Variants in LEKR1 observed in about 807,000 individuals in gnomAD.
LEKR1 encodes leucine, glutamate and lysine rich 1, also known as protein LEKR1.
A neutral mutation model predicts 72.4 loss-of-function variants in LEKR1; 59 were observed. The observed-to-expected ratio is 0.82, with a 90% CI of 0.66 to 1.01. LEKR1 has a LOEUF of 1.01. Among genes scored for constraint, LEKR1 ranks in the 50% least tolerant of loss-of-function variants. The probability of loss-of-function intolerance (pLI) is 0.00; values close to 1 mark genes in which losing one functional copy is unlikely to be tolerated. For missense variants in LEKR1, 728 were observed against 759.2 expected, an observed-to-expected ratio of 0.96 and a Z score of 0.48; for synonymous variants, 257 against 263.2, an observed-to-expected ratio of 0.98 and a Z score of 0.23.
intron 3 of LEKR1, among the ~76,000 whole-genome samples, chr3:156,881,086 G>A (rs1270359406): frequency 2.6e-5 from 4 of 152,270 alleles, no homozygotes; most frequent in African/African-American, 9.6e-5. Flanking sequence ...TTGAAAACTG[G>A]CACAAGAGAG....
At position 156,972,623 on chromosome 3, in the gene LEKR1, G is replaced by A. The variant is rs182276007; in HGVS notation, c.746-6571G>A. Reference sequence around the variant, plus strand: ...AGACACTTGATTGTAATTTATATAAGGACAAATTTATATGTAATATATATA... The same window carrying A: ...AGACACTTGATTGTAATTTATATAAAGACAAATTTATATGTAATATATATA... On this transcript the variant is annotated intron_variant, in intron 6 of 12. Coordinates refer to ENST00000356539, the MANE Select transcript of LEKR1 (RefSeq NM_001004316.3). 4.6e-3 allele frequency among the ~76,000 whole-genome samples: 683 copies of A among 149,518 alleles called. 3 individuals carry two copies. Among genetic ancestry groups the A allele is most frequent in the Non-Finnish European group, 7.8e-3 (529 of 67,396 alleles).
chr3:156,885,700 C>T (rs1409278388), intron 3 of LEKR1, among the ~76,000 whole-genome samples: 2 of 152,210 alleles, frequency 1.3e-5, no homozygotes, highest in African/African-American at 2.4e-5. Flanking sequence ...TATGAGAGTT[C>T]GTGATTCTAG....
chr3:157,029,407 A>G (rs766346175), intron 12 of LEKR1, among the ~76,000 whole-genome samples: 12 of 152,256 alleles, frequency 7.9e-5, no homozygotes, highest in East Asian at 3.9e-4. Context: ...AAGAGACTGA[A>G]GAAGGTTGAA....
At chr3:156,923,734 T>C (rs1397177228) in intron 4 of LEKR1, among the ~76,000 whole-genome samples, 15 of 151,138 alleles carry the variant, frequency 9.9e-5, no homozygotes, top group Non-Finnish European at 1.8e-4. Flanking sequence ...ATATTTAATT[T>C]TTTTTTTTTT....
At chr3:156,827,278 TTAAAATG>T (rs1711746638) in intron 1 of LEKR1, among the ~76,000 whole-genome samples, 1 of 152,190 alleles carries the variant, frequency 6.6e-6, no homozygotes, top group Non-Finnish European at 1.5e-5. Context: ...AGCCATTTCT[TTAAAATG>T]TAAACATCAA....
At chr3:156,932,316 G>T (rs1725296138) in intron 5 of LEKR1, among the ~76,000 whole-genome samples, 1 of 152,130 alleles carries the variant, frequency 6.6e-6, no homozygotes, top group Non-Finnish European at 1.5e-5. Context: ...TATGTAATAT[G>T]TGCGTTCAGA....
intron 5 of LEKR1, among the ~76,000 whole-genome samples, chr3:156,930,767 A>C (rs73873746): frequency 6.6e-6 from 1 of 152,054 alleles, no homozygotes; most frequent in African/African-American, 2.4e-5. Context: ...CCCTACTTAT[A>C]TAATCAATTG....
intron 9 of LEKR1, among the ~76,000 whole-genome samples, chr3:157,000,935 T>A (rs952720984): frequency 3.3e-5 from 5 of 152,158 alleles, no homozygotes; most frequent in African/African-American, 1.2e-4. Context: ...TCTCAAGACA[T>A]CTAACAGTTT....
At chr3:156,942,925 C>T (rs1726354513) in intron 6 of LEKR1, 1 of 279,308 alleles carries the variant, frequency 3.6e-6, no homozygotes, top group Non-Finnish European at 6.8e-6. Context: ...TGTGGTAAGA[C>T]TTAAGTGAAT....
intron 6 of LEKR1, among the ~76,000 whole-genome samples, chr3:156,949,592 G>A (rs1726977950): frequency 6.6e-6 from 1 of 151,136 alleles, no homozygotes; most frequent in Non-Finnish European, 1.5e-5. Flanking sequence ...TTTTGCATAA[G>A]TTAAACTCCT....
chr3:156,961,152 A>T (rs1052570641), intron 6 of LEKR1, among the ~76,000 whole-genome samples: 1 of 152,204 alleles, frequency 6.6e-6, no homozygotes, highest in African/African-American at 2.4e-5. Flanking sequence ...AAGTGAAAAA[A>T]CTTTTGACTT....
intron 4 of LEKR1, 47 bp downstream of exon 4, chr3:156,920,741 A>C: frequency 9.5e-7 from 1 of 1,049,844 alleles, no homozygotes; most frequent in Non-Finnish European, 1.3e-6. Flanking sequence ...AGATATGCTT[A>C]ATACTAACTT....
At position 156,956,947 on chromosome 3, in the gene LEKR1, C is replaced by A. The variant is rs145009141; in HGVS notation, c.745+14233C>A. ...TACTAATAACTAACTAAATAAAATT[C>A]TACTTTTTAAATTAGTACAAAGACT... On this transcript the variant is annotated intron_variant, in intron 6 of 12. Coordinates refer to ENST00000356539, the MANE Select transcript of LEKR1 (RefSeq NM_001004316.3). Among the ~76,000 whole-genome samples the A allele has an allele frequency of 4.4e-3, 676 of 152,014 alleles. 2 individuals carry two copies. The highest frequency in any genetic ancestry group is 0.016 in the African/African-American group (653 of 41,514).
At chr3:156,876,243 A>G (rs994256235) in intron 3 of LEKR1, among the ~76,000 whole-genome samples, 3 of 152,072 alleles carry the variant, frequency 2.0e-5, no homozygotes, top group Admixed American at 6.5e-5. Context: ...GCCTTGTAGT[A>G]TAGTTTGAAG....
At chr3:157,041,647 C>G (rs1354789129) in intron 12 of LEKR1, among the ~76,000 whole-genome samples, 1 of 152,182 alleles carries the variant, frequency 6.6e-6, no homozygotes, top group African/African-American at 2.4e-5. Context: ...CCCTTCTTCA[C>G]CTGGCTCATG....
At chr3:156,857,501 G>T (rs11713362) in intron 3 of LEKR1, among the ~76,000 whole-genome samples, 7,632 of 152,074 alleles carry the variant, frequency 0.05, 271 homozygotes, top group South Asian at 0.12. Flanking sequence ...TTTATCTTTG[G>T]ATAAAAGCAT....
At chr3:156,843,825 A>ATGTG (rs759976367) in intron 2 of LEKR1, among the ~76,000 whole-genome samples, 3 of 149,206 alleles carry the variant, frequency 2.0e-5, no homozygotes, top group Admixed American at 1.3e-4. Flanking sequence ...GAAAGTTGTG[A>ATGTG]TGTGTGTGTG....
intron 7 of LEKR1, among the ~76,000 whole-genome samples, chr3:156,982,830 T>C (rs1283080222): frequency 2.7e-5 from 4 of 148,758 alleles, no homozygotes; most frequent in Non-Finnish European, 4.4e-5. Context: ...CTTTCATATA[T>C]ATATGAATAT....
At chr3:156,939,706 T>C (rs1203117529) in intron 5 of LEKR1, among the ~76,000 whole-genome samples, 1 of 152,210 alleles carries the variant, frequency 6.6e-6, no homozygotes, top group African/African-American at 2.4e-5. Flanking sequence ...ATGTAATTGA[T>C]ATTTTTTAAA....
Sources: gnomAD v4.1 joint callset for allele counts (sites outside exome capture counted in the v4.1 genomes callset) on GRCh38, gnomAD v4.1.1 for gene constraint, MANE v1.5 for transcripts, NCBI Gene and HGNC (gene_info 2026-07-23, HGNC 2026-07-21) for gene names.